Variants in ALG5 observed in about 807,000 individuals in gnomAD.
The protein encoded by ALG5 is dolichyl-phosphate beta-glucosyltransferase.
Under a neutral mutation model 51.8 loss-of-function variants are expected in ALG5, and 26 were observed. The observed-to-expected ratio is 0.50, with a 90% CI of 0.37 to 0.70. The LOEUF (loss-of-function observed/expected upper bound fraction) is 0.70. ALG5 is among the 30% of genes least tolerant of loss of function. The pLI is 0.00. For synonymous variants in ALG5, 141 were observed against 136.1 expected, an observed-to-expected ratio of 1.04 and a Z score of -0.25; for missense variants, 311 against 399.3, an observed-to-expected ratio of 0.78 and a Z score of 1.88.
chr13:36,965,761 A>G (rs2058890431), intron 7 of ALG5, 35 bp from the exon 8 acceptor site: 2 of 1,593,102 alleles, frequency 1.3e-6, no homozygotes, highest in Admixed American at 1.8e-5. Context: ...TGACTTTTCC[A>G]TTCATCTGTA....
At position 36,995,486 on chromosome 13, in the gene ALG5, T is replaced by C. The variant is rs1400103286; in HGVS notation, c.177A>G (p.Ile59Met). 2.5e-6 allele frequency: 4 copies of C among 1,611,134 alleles called. No individual in the cohort carries two copies. Among genetic ancestry groups the C allele is most frequent in the South Asian group, 2.2e-5 (2 of 89,930 alleles). Residue 59 changes from isoleucine (I) to methionine (M), a missense_variant, in exon 2 of 10, where the codon ATA (isoleucine) becomes ATG (methionine). Transcript: ENST00000239891. ...AAAGTTGTTTGGTAGGTGAGTCCCA[T>C]ATGCTGGGTAAAGTTTCTTTCTGGC... The part of the protein sequence containing the change: ...AKGQKETLPS[I>M]WDSPTKQLSV...
At chr13:36,998,461 C>T (rs1046570023) in intron 1 of ALG5, among the ~76,000 whole-genome samples, 13 of 152,188 alleles carry the variant, frequency 8.5e-5, no homozygotes, top group African/African-American at 3.1e-4. Context: ...GAAATCCTCT[C>T]CACTTACTAA....
At chr13:36,986,748 G>C (rs1164065899) in intron 5 of ALG5, among the ~76,000 whole-genome samples, 1 of 151,994 alleles carries the variant, frequency 6.6e-6, no homozygotes, top group African/African-American at 2.4e-5. Flanking sequence ...AATACAGTGA[G>C]ACTCCATCTC....
At chr13:36,975,893 C>G (rs1367902849) in intron 6 of ALG5, among the ~76,000 whole-genome samples, 1 of 151,778 alleles carries the variant, frequency 6.6e-6, no homozygotes, top group South Asian at 2.1e-4. Flanking sequence ...TGGTAGCGTG[C>G]CCCTGTAGTC....
At chr13:36,974,249 A>G (rs921845978) in intron 6 of ALG5, among the ~76,000 whole-genome samples, 6 of 152,226 alleles carry the variant, frequency 3.9e-5, no homozygotes, top group African/African-American at 1.4e-4. Context: ...AATGAGTAAC[A>G]CTAGTTATAT....
chr13:36,954,046 C>T (rs2058829402), intron 8 of ALG5, among the ~76,000 whole-genome samples: 1 of 133,448 alleles, frequency 7.5e-6, no homozygotes, highest in Non-Finnish European at 1.6e-5. Context: ...GGGTGGTTAA[C>T]TGAAATCACC....
At chr13:36,960,991 G>A (rs544289339) in intron 8 of ALG5, among the ~76,000 whole-genome samples, 37 of 152,106 alleles carry the variant, frequency 2.4e-4, no homozygotes, top group African/African-American at 8.4e-4. Flanking sequence ...GTGAAGTACA[G>A]CTCTGAAGAT....
chr13:36,999,203 C>T (rs751759577), intron 1 of ALG5, 32 bp downstream of exon 1: 2 of 1,546,676 alleles, frequency 1.3e-6, no homozygotes, highest in East Asian at 2.6e-5. Flanking sequence ...CGGTAAGCCC[C>T]GGCCTGCGCG....
intron 8 of ALG5, among the ~76,000 whole-genome samples, chr13:36,964,263 G>A (rs945187294): frequency 3.3e-5 from 5 of 152,118 alleles, no homozygotes; most frequent in Non-Finnish European, 5.9e-5. Context: ...CCAGACTAAA[G>A]ACCATGGGAA....
chr13:36,983,747 G>A (rs964327570), intron 6 of ALG5, among the ~76,000 whole-genome samples: 3 of 151,704 alleles, frequency 2.0e-5, no homozygotes, highest in African/African-American at 4.8e-5. Context: ...TATATTAGTT[G>A]ATTCACTTAG....
chr13:36,985,908 C>T (rs1164269037), intron 5 of ALG5, among the ~76,000 whole-genome samples, 168 bp from the exon 6 acceptor site: 1 of 152,200 alleles, frequency 6.6e-6, no homozygotes, highest in African/African-American at 2.4e-5. Context: ...TTAAGATCTT[C>T]TCAAATGAAC....
chr13:36,972,102 A>G (rs2138800689), intron 6 of ALG5, 66 bp from the exon 7 acceptor site: 1 of 1,220,484 alleles, frequency 8.2e-7, no homozygotes, highest in Non-Finnish European at 1.2e-6. Context: ...TTTATTTTCA[A>G]TGAGAATATC....
chr13:36,968,856 C>T (rs1020544573), intron 7 of ALG5, among the ~76,000 whole-genome samples: 4 of 152,180 alleles, frequency 2.6e-5, no homozygotes, highest in Admixed American at 1.3e-4. Context: ...TGGAGACAAC[C>T]TTTTGTGAGA....
At chr13:36,974,133 A>G (rs1198795794) in intron 6 of ALG5, among the ~76,000 whole-genome samples, 2 of 152,212 alleles carry the variant, frequency 1.3e-5, no homozygotes, top group African/African-American at 4.8e-5. Flanking sequence ...ATATAGTGCA[A>G]TCTCCAAGAC....
intron 6 of ALG5, among the ~76,000 whole-genome samples, chr13:36,977,820 A>T (rs71423157): frequency 8.1e-6 from 1 of 123,358 alleles, no homozygotes; most frequent in Non-Finnish European, 1.7e-5. Context: ...AAAAACAAAA[A>T]CGGTGGTAAG....
At chr13:36,986,707 T>C (rs2059003496) in intron 5 of ALG5, among the ~76,000 whole-genome samples, 1 of 152,138 alleles carries the variant, frequency 6.6e-6, no homozygotes, top group African/African-American at 2.4e-5. Context: ...GAAGGATTGC[T>C]TGAGCTCAGG....
intron 6 of ALG5, among the ~76,000 whole-genome samples, chr13:36,972,639 T>G (rs1488712094): frequency 7.2e-5 from 11 of 152,094 alleles, no homozygotes; most frequent in Admixed American, 6.6e-4. Flanking sequence ...AAACAAAAGA[T>G]TTAAACACAC....
intron 6 of ALG5, among the ~76,000 whole-genome samples, chr13:36,983,930 T>TG (rs1317457739): frequency 2.6e-5 from 4 of 151,978 alleles, no homozygotes; most frequent in Non-Finnish European, 5.9e-5. Flanking sequence ...TTATTAAATT[T>TG]GGGGGGGCCT....
intron 8 of ALG5, 114 bp from the exon 9 acceptor site, chr13:36,952,713 A>T: frequency 1.8e-6 from 1 of 556,004 alleles, no homozygotes; most frequent in Non-Finnish European, 3.0e-6. Context: ...CTTATACCAT[A>T]AATCTGAAGA....
Sources: allele counts gnomAD v4.1 joint callset (sites outside exome capture counted in the v4.1 genomes callset), GRCh38; gene constraint gnomAD v4.1.1; transcripts MANE v1.5; gene names NCBI Gene and HGNC (gene_info 2026-07-23, HGNC 2026-07-21).